Variants in NDFIP2 observed in about 807,000 individuals in gnomAD.
NDFIP2 encodes NEDD4 family-interacting protein 2.
Under a neutral mutation model 36.0 loss-of-function variants are expected in NDFIP2, and 19 were observed. The ratio of observed to expected loss-of-function variants is 0.53; its 90% CI spans 0.37 to 0.77. The LOEUF is 0.77. NDFIP2 is among the 30% of genes least tolerant of loss of function. The pLI, the probability that NDFIP2 is intolerant of heterozygous loss-of-function variation, is 0.00. For missense variants in NDFIP2, 446 were observed against 435.8 expected, an observed-to-expected ratio of 1.02 and a Z score of -0.21; for synonymous variants, 181 against 167.7, an observed-to-expected ratio of 1.08 and a Z score of -0.61.
chr13:79,498,498 C>A (rs1873534287), intron 1 of NDFIP2, among the ~76,000 whole-genome samples: 1 of 151,964 alleles, frequency 6.6e-6, no homozygotes, highest in African/African-American at 2.4e-5. Flanking sequence ...AACAATACCA[C>A]AGATTGTGTA....
chr13:79,551,698 A>G (rs567656651), intron 7 of NDFIP2, among the ~76,000 whole-genome samples: 2 of 151,640 alleles, frequency 1.3e-5, no homozygotes, highest in East Asian at 1.9e-4. Context: ...ATAAGTAGGA[A>G]TATGAAGAAA....
intron 1 of NDFIP2, among the ~76,000 whole-genome samples, chr13:79,520,278 G>A (rs1874516686): frequency 6.6e-6 from 1 of 152,318 alleles, no homozygotes; most frequent in South Asian, 2.1e-4. Context: ...AGATGGTATT[G>A]TGGCTATGTT....
intron 5 of NDFIP2, among the ~76,000 whole-genome samples, chr13:79,544,439 C>T (rs981756123): frequency 2.6e-5 from 4 of 151,636 alleles, no homozygotes; most frequent in African/African-American, 9.7e-5. Flanking sequence ...CATAATCATC[C>T]CCCAGCCTTT....
rs778734620 is a variant in NDFIP2, at chr13:79,543,635, A to G, written c.793A>G (p.Ile265Val). ...TACCATAGCTGGAAGGTATGGTGCTATCTGCGGATTTGGCCTTTCCTTGAT... is the reference window on the plus strand; with the variant it reads ...TACCATAGCTGGAAGGTATGGTGCTGTCTGCGGATTTGGCCTTTCCTTGAT... The part of the protein sequence containing the change: ...TNTIAGRYGA[I>V]CGFGLSLIKW... Residue 265 changes from isoleucine (I) to valine (V), a missense_variant, in exon 5 of 8, where the codon ATC (isoleucine) becomes GTC (valine). Coordinates refer to ENST00000218652, the MANE Select transcript of NDFIP2 (RefSeq NM_019080.3). 2 of 1,613,954 alleles carry G rather than the reference A, an allele frequency of 1.2e-6. No homozygotes were observed. Among genetic ancestry groups the G allele is most frequent in the East Asian group, 4.5e-5 (2 of 44,844 alleles).
intron 1 of NDFIP2, among the ~76,000 whole-genome samples, chr13:79,519,941 CA>C (rs1874502547): frequency 6.6e-6 from 1 of 152,130 alleles, no homozygotes; most frequent in South Asian, 2.1e-4. Flanking sequence ...GCTGGGATTA[CA>C]GGTGTGCGAC....
At chr13:79,486,026 T>A (rs1566652348) in intron 1 of NDFIP2, among the ~76,000 whole-genome samples, 1 of 152,176 alleles carries the variant, frequency 6.6e-6, no homozygotes, top group Non-Finnish European at 1.5e-5. Context: ...GAACACCACA[T>A]GATATCACAA....
intron 5 of NDFIP2, among the ~76,000 whole-genome samples, chr13:79,547,325 TTA>T (rs1875725924): frequency 6.6e-6 from 1 of 152,268 alleles, no homozygotes; most frequent in South Asian, 2.1e-4. Flanking sequence ...ACAAATACTT[TTA>T]GTTAGTATTA....
intron 1 of NDFIP2, among the ~76,000 whole-genome samples, chr13:79,486,465 T>C (rs932490271): frequency 2.6e-5 from 4 of 152,254 alleles, no homozygotes; most frequent in African/African-American, 9.6e-5. Flanking sequence ...ATCAGTGTAC[T>C]TGCATGCAAG....
At chr13:79,547,522 GTAAC>G (rs1875734486) in intron 5 of NDFIP2, among the ~76,000 whole-genome samples, 2 of 152,110 alleles carry the variant, frequency 1.3e-5, no homozygotes, top group Non-Finnish European at 2.9e-5. Flanking sequence ...GTTATCTGAA[GTAAC>G]TGAAGAAAAT....
rs546608279 is a variant in NDFIP2 at position 79,494,756 on chromosome 13, G to A, written c.321+13232G>A. Among the ~76,000 whole-genome samples, 51 of 152,058 alleles carry A rather than the reference G, an allele frequency of 3.4e-4. No individual in the cohort carries two copies. The South Asian group carries it at 9.9e-3, about 30-fold the overall frequency. ...TGTTTTCCAGTAGGTTCCTAAGAAA[G>A]GATACTTGGGAGGTTAAACATTTTT... On this transcript the variant is annotated intron_variant, in intron 1 of 7. Coordinates refer to ENST00000218652, the MANE Select transcript of NDFIP2 (RefSeq NM_019080.3).
rs1875956546 is a variant in NDFIP2, at chr13:79,552,829, A to G, written c.*316A>G. ...GGTTAATCAGTGTTTGATATAATTG[A>G]AAGAGTTGAGTGGATAAACAGTCTT... On this transcript the variant is annotated 3_prime_UTR_variant, in exon 8 of 8. Coordinates refer to ENST00000218652, the MANE Select transcript of NDFIP2 (RefSeq NM_019080.3). 6.6e-6 allele frequency: 1 copy of G among 151,896 alleles called. No individual in the cohort carries two copies. The highest frequency in any genetic ancestry group is 1.5e-5 in the Non-Finnish European group (1 of 67,494). The allele number at this position is 151,896 out of a possible 1,614,324, so 9.4% of individuals were successfully genotyped here.
intron 6 of NDFIP2, among the ~76,000 whole-genome samples, chr13:79,549,062 A>G (rs905018635): frequency 1.3e-5 from 2 of 152,108 alleles, no homozygotes; most frequent in South Asian, 2.1e-4. Context: ...GTTTCTAGTT[A>G]AGAGTAAAAG....
Position 79,552,851 on chromosome 13 carries a change from T to C in NDFIP2, c.*338T>C, listed in dbSNP as rs1875957968. The stretch of plus-strand genomic sequence containing the variant: ...TTGAAAGAGTTGAGTGGATAAACAG[T>C]CTTCCAGCTTGTAAATGCCATTGAC... On this transcript the variant is annotated 3_prime_UTR_variant, in exon 8 of 8. Transcript: ENST00000218652. 1 of 151,920 alleles carries C rather than the reference T, an allele frequency of 6.6e-6. No individual in the cohort carries two copies. The highest frequency in any genetic ancestry group is 1.5e-5 in the Non-Finnish European group (1 of 67,504). The allele number at this position is 151,920 out of a possible 1,614,324, so 9.4% of individuals were successfully genotyped here. A position where few individuals can be genotyped will look rare whatever the true frequency, so the allele number is the denominator to read the frequency against.
At chr13:79,538,025 G>A (rs955240425) in intron 3 of NDFIP2, among the ~76,000 whole-genome samples, 1 of 152,164 alleles carries the variant, frequency 6.6e-6, no homozygotes, top group African/African-American at 2.4e-5. Context: ...CATTTTACAT[G>A]GCTGGAGCAG....
intron 1 of NDFIP2, among the ~76,000 whole-genome samples, chr13:79,495,148 A>G (rs1204283533): frequency 6.6e-6 from 1 of 151,944 alleles, no homozygotes; most frequent in Non-Finnish European, 1.5e-5. Context: ...ATGGGCTAAT[A>G]TATCCAACTT....
rs1359971017 is a variant in NDFIP2 at position 79,533,316 on chromosome 13, T to C, written c.488-7T>C. ...TATTGGTTATTCTTTTTGAATTCTTTCTTCAGATACAGAAGTTTACGGTGA... is the reference window on the plus strand; with the variant it reads ...TATTGGTTATTCTTTTTGAATTCTTCCTTCAGATACAGAAGTTTACGGTGA... On this transcript the variant is annotated splice_polypyrimidine_tract_variant and splice_region_variant and intron_variant, in intron 2 of 7. Coordinates refer to ENST00000218652, the MANE Select transcript of NDFIP2 (RefSeq NM_019080.3). 6.3e-7 allele frequency: 1 copy of C among 1,589,716 alleles called. No individual in the cohort carries two copies. The highest frequency in any genetic ancestry group is 8.5e-7 in the Non-Finnish European group (1 of 1,172,578).
intron 2 of NDFIP2, among the ~76,000 whole-genome samples, chr13:79,524,401 A>G (rs908871743): frequency 1.8e-4 from 28 of 152,232 alleles, no homozygotes; most frequent in African/African-American, 6.8e-4. Context: ...ATGTTACTGC[A>G]TCAGCAATAG....
At chr13:79,489,126 A>G (rs1357042678) in intron 1 of NDFIP2, among the ~76,000 whole-genome samples, 5 of 152,162 alleles carry the variant, frequency 3.3e-5, no homozygotes, top group Non-Finnish European at 5.9e-5. Context: ...TTTTCTTTTA[A>G]GATTCCATGG....
Position 79,520,911 on chromosome 13 carries a change from A to G in NDFIP2, c.423A>G (p.Ala141=). Residue 141 remains alanine, a synonymous_variant, in exon 2 of 8, where the codon GCA becomes GCG. Coordinates refer to ENST00000218652, the MANE Select transcript of NDFIP2 (RefSeq NM_019080.3). ...TGCAGGCTGCGTCTTCAGCACCAGC[A>G]CTTGAAACTGACTCTTCCCCTCCAC... ...QIVQAASSAP[A]LETDSSPPPY... 6.2e-7 allele frequency: 1 copy of G among 1,613,872 alleles called. No individual in the cohort carries two copies. The highest frequency in any genetic ancestry group is 2.2e-5 in the East Asian group (1 of 44,868).
Sources: allele counts gnomAD v4.1 joint callset (sites outside exome capture counted in the v4.1 genomes callset), GRCh38; gene constraint gnomAD v4.1.1; transcripts MANE v1.5; gene names NCBI Gene and HGNC (gene_info 2026-07-23, HGNC 2026-07-21).